The following WDSUB1 variants were observed in gnomAD, a reference collection of about 807,000 sequenced individuals.
WDSUB1 encodes the protein WD repeat, sterile alpha motif and U-box domain containing 1.
A neutral mutation model predicts 53.9 loss-of-function variants in WDSUB1; 49 were observed. The observed-to-expected ratio is 0.91, with a 90% CI of 0.72 to 1.15. The LOEUF (loss-of-function observed/expected upper bound fraction) is 1.15, where lower values mean the gene tolerates loss of function less well. Among genes scored for constraint, WDSUB1 ranks in the 50% most tolerant of loss-of-function variants. The probability of loss-of-function intolerance (pLI) is 0.00; values close to 1 mark genes in which losing one functional copy is unlikely to be tolerated. For synonymous variants in WDSUB1, 194 were observed against 200.6 expected, an observed-to-expected ratio of 0.97 and a Z score of 0.28; for missense variants, 514 against 562.0, an observed-to-expected ratio of 0.91 and a Z score of 0.86.
At chr2:159,245,532 C>CA (rs35025474) in intron 10 of WDSUB1, among the ~76,000 whole-genome samples, 60,955 of 131,072 alleles carry the variant, frequency 0.47, 14,287 homozygotes, top group Non-Finnish European at 0.58. Context: ...GACTCTGTCT[C>CA]AAAAAAAAAA....
At chr2:159,264,234 T>C (rs2061289039) in intron 5 of WDSUB1, among the ~76,000 whole-genome samples, 1 of 152,226 alleles carries the variant, frequency 6.6e-6, no homozygotes, top group Non-Finnish European at 1.5e-5. Context: ...GACATCTACT[T>C]TCAAGCAATC....
chr2:159,239,661 T>C (rs1223698180), intron 10 of WDSUB1, among the ~76,000 whole-genome samples: 1 of 152,196 alleles, frequency 6.6e-6, no homozygotes, highest in African/African-American at 2.4e-5. Flanking sequence ...CAGTGGCTCA[T>C]GCCTATAATC....
At chr2:159,247,678 CAG>C (rs2060830177) in intron 10 of WDSUB1, among the ~76,000 whole-genome samples, 1 of 151,036 alleles carries the variant, frequency 6.6e-6, no homozygotes, top group African/African-American at 2.4e-5. Flanking sequence ...ATGGTAAAAA[CAG>C]AAATGTGCCA....
intron 5 of WDSUB1, among the ~76,000 whole-genome samples, chr2:159,261,896 A>T (rs1403849287): frequency 0.028 from 624 of 22,612 alleles, 47 homozygotes; most frequent in East Asian, 0.1. Context: ...ATATATATAT[A>T]TTTTTTTTTT....
chr2:159,244,872 G>A (rs2060753190), intron 10 of WDSUB1, among the ~76,000 whole-genome samples: 1 of 152,232 alleles, frequency 6.6e-6, no homozygotes, highest in South Asian at 2.1e-4. Context: ...CGAAACTGCA[G>A]TGAGTTAAGA....
At chr2:159,245,545 AAG>A (rs1419367069) in intron 10 of WDSUB1, among the ~76,000 whole-genome samples, 3 of 151,796 alleles carry the variant, frequency 2.0e-5, no homozygotes, top group Non-Finnish European at 4.4e-5. Context: ...AAAAAAAAAA[AAG>A]ACTATAAAGC....
At chr2:159,250,025 G>A (rs1197359731) in intron 9 of WDSUB1, among the ~76,000 whole-genome samples, 1 of 150,356 alleles carries the variant, frequency 6.7e-6, no homozygotes, top group African/African-American at 2.5e-5. Flanking sequence ...GGAGGCGGAG[G>A]TTGCAGTGAG....
At chr2:159,275,189 A>C (rs1308078825) in intron 4 of WDSUB1, among the ~76,000 whole-genome samples, 1 of 152,232 alleles carries the variant, frequency 6.6e-6, no homozygotes, top group Non-Finnish European at 1.5e-5. Context: ...GAATAGTACA[A>C]TGGATGGGAA....
At chr2:159,250,844 G>C (rs2060935484) in intron 9 of WDSUB1, among the ~76,000 whole-genome samples, 1 of 151,986 alleles carries the variant, frequency 6.6e-6, no homozygotes, top group South Asian at 2.1e-4. Flanking sequence ...TCGTGACTGG[G>C]GTATGCTTCC....
At chr2:159,280,043 T>A (rs754822268) in intron 2 of WDSUB1, 98 bp from the exon 3 acceptor site, 150 of 1,120,488 alleles carry the variant, frequency 1.3e-4, no homozygotes, top group Non-Finnish European at 1.8e-4. Flanking sequence ...AGAGAATAAA[T>A]GGCTATCACA....
intron 10 of WDSUB1, among the ~76,000 whole-genome samples, chr2:159,245,498 A>T (rs1426348049): frequency 1.3e-5 from 2 of 150,762 alleles, no homozygotes; most frequent in Non-Finnish European, 2.9e-5. Context: ...GAGCCACTGC[A>T]CTCCAGCGTG....
chr2:159,262,848 AC>A (rs1224169717), intron 5 of WDSUB1, among the ~76,000 whole-genome samples: 1 of 152,188 alleles, frequency 6.6e-6, no homozygotes, highest in Non-Finnish European at 1.5e-5. Flanking sequence ...CAACCACTAA[AC>A]AAAAAATCCA....
rs768527845 is a variant in WDSUB1, at chr2:159,277,225, G to A, written c.584-1587C>T. Among the ~76,000 whole-genome samples, 100 of 152,028 alleles carry A rather than the reference G, an allele frequency of 6.6e-4. 2 individuals are homozygous for A. The highest frequency in any genetic ancestry group is 5.3e-4 in the Non-Finnish European group (36 of 67,996). On this transcript the variant is annotated intron_variant, in intron 3 of 10. Coordinates refer to ENST00000359774, the MANE Select transcript of WDSUB1 (RefSeq NM_001128212.3). Reference sequence around the variant, plus strand: ...ACTTCCATATTTCAATAGCATTTTTGTTTCTTTCTGTAGCATAGATTTACC... The same window carrying A: ...ACTTCCATATTTCAATAGCATTTTTATTTCTTTCTGTAGCATAGATTTACC...
Position 159,279,733 on chromosome 2 carries a change from T to C in WDSUB1, c.583+28A>G, listed in dbSNP as rs777674252. The C allele has an allele frequency of 2.6e-5, 41 of 1,564,408 alleles. No homozygotes were observed. In the Middle Eastern group the frequency reaches 8.7e-4, roughly 33 times the overall value. ...AGCACAAATTACAAATAGGAATTTCTAGTGCTTAAAAGAATAAAATAACCA... is the reference window on the plus strand; with the variant it reads ...AGCACAAATTACAAATAGGAATTTCCAGTGCTTAAAAGAATAAAATAACCA... On this transcript the variant is annotated intron_variant, in intron 3 of 10. Coordinates refer to ENST00000359774, the MANE Select transcript of WDSUB1 (RefSeq NM_001128212.3).
At chr2:159,267,259 T>A (rs1383861058) in intron 5 of WDSUB1, among the ~76,000 whole-genome samples, 1 of 151,878 alleles carries the variant, frequency 6.6e-6, no homozygotes, top group Non-Finnish European at 1.5e-5. Context: ...GCCACCCCTA[T>A]CTATGCCATA....
In WDSUB1 at chr2:159,258,583, C is replaced by T. The variant is rs182260793; in HGVS notation, c.805-598G>A. ...CTAAGGCAGGAGAATTGCTTGAACC[C>T]GGGAGGCAGAGGTTGCAGTGAGCCA... is the stretch of plus-strand genomic sequence containing the variant. On this transcript the variant is annotated intron_variant, in intron 6 of 10. Transcript: ENST00000359774. Among the ~76,000 whole-genome samples the T allele has an allele frequency of 5.9e-5, 9 of 152,198 alleles. No individual in the cohort carries two copies. In the East Asian group the frequency reaches 9.7e-4, roughly 16 times the overall value.
At chr2:159,263,198 T>G (rs928818699) in intron 5 of WDSUB1, among the ~76,000 whole-genome samples, 1 of 152,224 alleles carries the variant, frequency 6.6e-6, no homozygotes, top group Admixed American at 6.5e-5. Flanking sequence ...ACTAACTTTG[T>G]ACAATGGCCA....
chr2:159,254,763 G>T (rs1310986430), intron 9 of WDSUB1, among the ~76,000 whole-genome samples: 2 of 152,032 alleles, frequency 1.3e-5, no homozygotes, highest in South Asian at 4.1e-4. Context: ...AAATTTGTGA[G>T]TTTTTTTTAA....
chr2:159,247,928 A>AATAT lies in WDSUB1; in HGVS notation c.1273+440_1273+443dup, dbSNP rs58296878. On this transcript the variant is annotated intron_variant, in intron 10 of 10. Transcript: ENST00000359774. The stretch of plus-strand genomic sequence containing the variant: ...ATATATAAATATATATATATATATA[A>AATAT]ATATATATATATATAAAATTTGGAT... 4.8e-3 allele frequency among the ~76,000 whole-genome samples: 322 copies of AATAT among 67,640 alleles called. 8 individuals are homozygous for AATAT. Among genetic ancestry groups the AATAT allele is most frequent in the African/African-American group, 0.034 (308 of 8,942 alleles). 44.4% of individuals were successfully genotyped at this position (67,640 alleles called of 152,430 possible). A position where few individuals can be genotyped will look rare whatever the true frequency, so the allele number is the denominator to read the frequency against.
Sources: gnomAD v4.1 joint callset for allele counts (sites outside exome capture counted in the v4.1 genomes callset) on GRCh38, gnomAD v4.1.1 for gene constraint, MANE v1.5 for transcripts, NCBI Gene and HGNC (gene_info 2026-07-23, HGNC 2026-07-21) for gene names.